SCARB1: variants seen among roughly 807,000 people sequenced by gnomAD.
SCARB1 encodes CD36 and LIMPII analogous 1.
SCARB1 carries 30 observed loss-of-function variants against 57.2 expected under a neutral mutation model. The ratio of observed to expected loss-of-function variants is 0.52; its 90% confidence interval spans 0.39 to 0.71. The LOEUF is 0.71. Ranked by LOEUF, SCARB1 falls within the 30% of genes least tolerant of loss-of-function variation. The pLI, the probability that SCARB1 is intolerant of heterozygous loss-of-function variation, is 0.00. For synonymous variants in SCARB1, 249 were observed against 268.3 expected (o/e 0.93, Z 0.70); for missense variants, 543 against 671.2 (o/e 0.81, Z 2.11).
intron 1 of SCARB1, among the ~76,000 whole-genome samples, chr12:124,818,007 C>T (rs11057826): frequency 3.9e-5 from 6 of 152,170 alleles, no homozygotes; most frequent in Admixed American, 2.0e-4. Flanking sequence ...CTAAAGGGAG[C>T]GCCGGAGCTC....
chr12:124,813,778 G>A (rs898797970), intron 4 of SCARB1, among the ~76,000 whole-genome samples: 1 of 152,136 alleles, frequency 6.6e-6, no homozygotes, highest in African/African-American at 2.4e-5. Context: ...AGTGAAACCT[G>A]CGGTGAGGGA....
intron 6 of SCARB1, among the ~76,000 whole-genome samples, chr12:124,809,118 G>A (rs991261952): frequency 3.9e-5 from 6 of 151,966 alleles, no homozygotes; most frequent in African/African-American, 1.2e-4. Flanking sequence ...CACCCACTGA[G>A]TATTTGGAGG....
chr12:124,806,909 T>C (rs1950343207), intron 7 of SCARB1, among the ~76,000 whole-genome samples: 2 of 150,230 alleles, frequency 1.3e-5, no homozygotes. Flanking sequence ...TCTCAAAATA[T>C]AAAAATAGGC....
In SCARB1 at chr12:124,786,474, G is replaced by A; in HGVS notation, c.1284C>T (p.His428=). 1 of 1,614,166 alleles carries A rather than the reference G, an allele frequency of 6.2e-7. No individual in the cohort carries two copies. The highest frequency in any genetic ancestry group is 1.1e-5 in the South Asian group (1 of 91,088). The part of the protein sequence containing the change: ...ESGAMEGETL[H]TFYTQLVLMP... ...TCAACACCAGCTGAGTGTAGAATGTGTGAAGAGTCTCCCCCTCCATGGCCC... is the reference window on the plus strand; with the variant it reads ...TCAACACCAGCTGAGTGTAGAATGTATGAAGAGTCTCCCCCTCCATGGCCC... Residue 428 remains histidine, a synonymous_variant, in exon 11 of 13, where the codon CAC becomes CAT. Transcript: ENST00000261693.
chr12:124,855,768 G>C (rs1164468590), intron 1 of SCARB1, among the ~76,000 whole-genome samples: 1 of 152,168 alleles, frequency 6.6e-6, no homozygotes, highest in Non-Finnish European at 1.5e-5. Context: ...AGCCTTGGGG[G>C]GTGTGGCTTA....
At chr12:124,804,132 G>A (rs1487401821) in intron 7 of SCARB1, among the ~76,000 whole-genome samples, 3 of 152,170 alleles carry the variant, frequency 2.0e-5, no homozygotes, top group Non-Finnish European at 2.9e-5. Context: ...CTGAGCATGT[G>A]ACACAAGCCT....
At chr12:124,786,112 C>A (rs1313218865) in intron 11 of SCARB1, 2 of 1,536,306 alleles carry the variant, frequency 1.3e-6, no homozygotes, top group Admixed American at 3.9e-5. Context: ...CCCACCTGTG[C>A]CCCCTCCAAG....
rs376609365 is a variant in SCARB1, at chr12:124,807,968, G to A, written c.843-41C>T. The A allele has an allele frequency of 6.2e-6, 10 of 1,604,438 alleles. No individual in the cohort carries two copies. Among genetic ancestry groups the A allele is most frequent in the Admixed American group, 3.3e-5 (2 of 59,948 alleles). The stretch of plus-strand genomic sequence containing the variant: ...AGGATGAGAGGGGACACCCAGACCC[G>A]GCGGCCAGAGCCAGGCCCTGCCAAA... On this transcript the variant is annotated intron_variant, in intron 6 of 12. Coordinates refer to ENST00000261693, the MANE Select transcript of SCARB1 (RefSeq NM_005505.5). This position sits in a 1 kb window ranked among gnomAD's most constrained non-coding sequence, Gnocchi z 5.3.
chr12:124,836,282 A>G (rs4765622), intron 1 of SCARB1, among the ~76,000 whole-genome samples: 89,486 of 152,002 alleles, frequency 0.59, 26,801 homozygotes, highest in African/African-American at 0.68. Context: ...ACTGGCCAGA[A>G]TGTCCATCAG....
At chr12:124,844,877 A>G (rs1387341003) in intron 1 of SCARB1, among the ~76,000 whole-genome samples, 8 of 146,720 alleles carry the variant, frequency 5.5e-5, no homozygotes, top group Admixed American at 1.4e-4. Flanking sequence ...GTGCAGTGGC[A>G]CGATCTCGGC....
intron 1 of SCARB1, among the ~76,000 whole-genome samples, chr12:124,826,330 CAAAA>C (rs55809371): frequency 6.3e-5 from 5 of 78,892 alleles, no homozygotes; most frequent in Admixed American, 1.3e-4. Context: ...GACCCTGTCT[CAAAA>C]AAAAAAAAAA....
chr12:124,843,145 C>G (rs1951975258), intron 1 of SCARB1, among the ~76,000 whole-genome samples: 1 of 152,160 alleles, frequency 6.6e-6, no homozygotes, highest in South Asian at 2.1e-4. Context: ...TGATCATATC[C>G]CTATTTTACC....
In SCARB1 at chr12:124,789,498, G is replaced by A. The variant is rs552135471; in HGVS notation, c.1203-2041C>T. ...ATGACTGCATCAAGGCTCTCAGATG[G>A]GGAGAGCGTCCTGGAATATCTAGGT... On this transcript the variant is annotated intron_variant, in intron 9 of 12. Transcript: ENST00000261693. The surrounding 1 kb of genome is among the most constrained non-coding windows in gnomAD (Gnocchi z 4.4). Among the ~76,000 whole-genome samples, 29 of 152,252 alleles carry A rather than the reference G, an allele frequency of 1.9e-4. No homozygotes were observed. In the South Asian group the frequency reaches 5.6e-3, roughly 29 times the overall value.
In SCARB1 at chr12:124,807,959, C is replaced by A. The variant is rs1212592145; in HGVS notation, c.843-32G>T. ...GGGACAGACAGGATGAGAGGGGACA[C>A]CCAGACCCGGCGGCCAGAGCCAGGC... On this transcript the variant is annotated intron_variant, in intron 6 of 12. Coordinates refer to ENST00000261693, the MANE Select transcript of SCARB1 (RefSeq NM_005505.5). This position sits in a 1 kb window ranked among gnomAD's most constrained non-coding sequence, Gnocchi z 5.3. 1.2e-6 allele frequency: 2 copies of A among 1,611,192 alleles called. No individual in the cohort carries two copies. The highest frequency in any genetic ancestry group is 1.7e-4 in the Middle Eastern group (1 of 5,804).
At chr12:124,838,775 C>CTTCT (rs1331430888) in intron 1 of SCARB1, among the ~76,000 whole-genome samples, 1 of 117,302 alleles carries the variant, frequency 8.5e-6, no homozygotes. Flanking sequence ...CCAACTTAGC[C>CTTCT]TTTTTTTTTT....
chr12:124,803,931 A>T (rs2135619059), intron 7 of SCARB1, among the ~76,000 whole-genome samples: 1 of 152,328 alleles, frequency 6.6e-6, no homozygotes, highest in African/African-American at 2.4e-5. Flanking sequence ...TAAAGATTTT[A>T]AAATTCCTTT....
At chr12:124,855,831 A>G (rs983242413) in intron 1 of SCARB1, among the ~76,000 whole-genome samples, 6 of 152,150 alleles carry the variant, frequency 3.9e-5, no homozygotes, top group African/African-American at 1.4e-4. Context: ...CACCCTCTGG[A>G]CACTAAGGAA....
intron 1 of SCARB1, among the ~76,000 whole-genome samples, chr12:124,836,388 T>C (rs776269092): frequency 6.6e-6 from 1 of 152,178 alleles, no homozygotes; most frequent in Non-Finnish European, 1.5e-5. Flanking sequence ...ACCTCCCATC[T>C]CTCAGGAAGC....
intron 1 of SCARB1, among the ~76,000 whole-genome samples, chr12:124,857,954 C>A (rs535873241): frequency 2.0e-4 from 30 of 152,336 alleles, no homozygotes; most frequent in Admixed American, 7.8e-4. Flanking sequence ...CCTCTCCCCA[C>A]GTCCACCAGC....
Sources: allele counts gnomAD v4.1 joint callset (sites outside exome capture counted in the v4.1 genomes callset), GRCh38; gene constraint gnomAD v4.1.1; non-coding constraint Gnocchi (gnomAD v3.1); transcripts MANE v1.5; gene names NCBI Gene and HGNC (gene_info 2026-07-23, HGNC 2026-07-21).